Variants in CACNA2D4 observed in about 807,000 individuals in gnomAD.
CACNA2D4 encodes the protein calcium voltage-gated channel auxiliary subunit alpha2delta 4, also known as voltage-dependent calcium channel subunit alpha-2/delta-4.
A neutral mutation model predicts 163.8 loss-of-function variants in CACNA2D4; 157 were observed. The observed-to-expected ratio is 0.96, with a 90% CI of 0.84 to 1.09. The LOEUF (loss-of-function observed/expected upper bound fraction) is 1.09. Among genes scored for constraint, CACNA2D4 ranks in the 50% least tolerant of loss-of-function variants. CACNA2D4 has a pLI of 0.00. For synonymous variants in CACNA2D4, 598 were observed against 586.9 expected (o/e 1.02, Z -0.27); for missense variants, 1,410 against 1,479.9 (o/e 0.95, Z 0.78).
At position 1,820,246 on chromosome 12, in the gene CACNA2D4, C is replaced by CGGCGGGGCGGGGGGGGGGGG. The variant is rs1555176997; in HGVS notation, c.2552-8524_2552-8523insCCCCCCCCCCCCGCCCCGCC. The CGGCGGGGCGGGGGGGGGGGG allele has an allele frequency of 6.6e-6, 1 of 150,984 alleles. No homozygotes were observed. Among genetic ancestry groups the CGGCGGGGCGGGGGGGGGGGG allele is most frequent in the African/African-American group, 2.5e-5 (1 of 40,346 alleles). The allele number at this position is 150,984 out of a possible 1,614,324, so 9.4% of individuals were successfully genotyped here. ...GAGAGGCACAGAAGACAGGTGCAGC[C>CGGCGGGGCGGGGGGGGGGGG]GGGGGGGTGAGGGAGAGCCTGGAGG... On this transcript the variant is annotated intron_variant, in intron 26 of 37. Coordinates refer to ENST00000382722, the MANE Select transcript of CACNA2D4 (RefSeq NM_172364.5). The surrounding 1 kb of genome is among the most constrained non-coding windows in gnomAD (Gnocchi z 6.0).
At chr12:1,850,199 G>C (rs1026518308) in intron 23 of CACNA2D4, among the ~76,000 whole-genome samples, 12 of 152,292 alleles carry the variant, frequency 7.9e-5, no homozygotes, top group East Asian at 3.9e-4. Context: ...CACAATCTAC[G>C]AGTGCCTGAC....
chr12:1,831,161 C>T, intron 26 of CACNA2D4: 1 of 1,614,052 alleles, frequency 6.2e-7, no homozygotes, highest in Non-Finnish European at 8.5e-7. Context: ...AGCGGTTGGA[C>T]CTGTCCAACA....
chr12:1,864,280 TA>T (rs1219203326), intron 18 of CACNA2D4, among the ~76,000 whole-genome samples: 2 of 152,256 alleles, frequency 1.3e-5, no homozygotes, highest in Non-Finnish European at 2.9e-5. Context: ...CCGGACATTT[TA>T]AAGTCGAATG....
At chr12:1,887,329 G>A (rs1866172620) in intron 6 of CACNA2D4, among the ~76,000 whole-genome samples, 1 of 152,248 alleles carries the variant, frequency 6.6e-6, no homozygotes, top group Non-Finnish European at 1.5e-5. Flanking sequence ...GGACTCATTT[G>A]TGAGGCAAAA....
intron 18 of CACNA2D4, among the ~76,000 whole-genome samples, chr12:1,863,299 G>T (rs187983941): frequency 6.6e-6 from 1 of 152,090 alleles, no homozygotes; most frequent in Admixed American, 6.5e-5. Flanking sequence ...TCTATTCTTT[G>T]GTCAATACCA....
At chr12:1,825,984 A>G (rs1236323044) in intron 26 of CACNA2D4, among the ~76,000 whole-genome samples, 1 of 152,212 alleles carries the variant, frequency 6.6e-6, no homozygotes, top group Non-Finnish European at 1.5e-5. Context: ...GAGAGCGTGC[A>G]CGCTGCTGTT....
At chr12:1,880,506 G>A (rs1038511443) in intron 13 of CACNA2D4, among the ~76,000 whole-genome samples, 1 of 152,274 alleles carries the variant, frequency 6.6e-6, no homozygotes, top group Non-Finnish European at 1.5e-5. Flanking sequence ...TGACTGGCTG[G>A]GCTCGCCGTG....
At chr12:1,909,843 C>T in intron 4 of CACNA2D4, 63 bp downstream of exon 4, 1 of 1,453,504 alleles carries the variant, frequency 6.9e-7, no homozygotes, top group Non-Finnish European at 9.6e-7. Context: ...TATGCCGCCA[C>T]CCCCATATCT....
intron 37 of CACNA2D4, among the ~76,000 whole-genome samples, chr12:1,794,455 C>T (rs1299764007): frequency 6.6e-6 from 1 of 152,188 alleles, no homozygotes; most frequent in Non-Finnish European, 1.5e-5. Flanking sequence ...TTAGAGCTCG[C>T]AAGTTACAGG....
chr12:1,863,209 G>C (rs987412345), intron 18 of CACNA2D4, among the ~76,000 whole-genome samples: 1 of 152,174 alleles, frequency 6.6e-6, no homozygotes, highest in Non-Finnish European at 1.5e-5. Context: ...GACACTCCAA[G>C]GTGTCTTGAT....
intron 35 of CACNA2D4, 44 bp downstream of exon 35, chr12:1,797,374 G>T (rs771701446): frequency 7.2e-7 from 1 of 1,381,208 alleles, no homozygotes; most frequent in Non-Finnish European, 9.9e-7. Flanking sequence ...TGCCGAGGGC[G>T]GGAGGAGTGT....
chr12:1,907,754 G>A, intron 5 of CACNA2D4, 121 bp downstream of exon 5: 1 of 1,312,226 alleles, frequency 7.6e-7, no homozygotes, highest in Non-Finnish European at 1.1e-6. Context: ...CGTGTCTGGT[G>A]GGTGTGTCTG....
At position 1,884,929 on chromosome 12, in the gene CACNA2D4, C is replaced by G. The variant is rs373136107; in HGVS notation, c.1159-48G>C. ...CATGACCACAGGCCAAGCCCACCCC[C>G]CTCCACCTGCCGCCTTCCTCCCAGT... On this transcript the variant is annotated intron_variant, in intron 10 of 37. Transcript: ENST00000382722. The G allele has an allele frequency of 1.1e-5, 17 of 1,600,688 alleles. No individual in the cohort carries two copies. In the African/African-American group the frequency reaches 1.7e-4, roughly 16 times the overall value.
rs2154446998 is a variant in CACNA2D4, at chr12:1,829,441, A to T, written c.2551+11298T>A. Among the ~76,000 whole-genome samples, 1 of 152,130 alleles carries T rather than the reference A, an allele frequency of 6.6e-6. No homozygotes were observed. Among genetic ancestry groups the T allele is most frequent in the African/African-American group, 2.4e-5 (1 of 41,524 alleles). ...GAGGTAACCCAAGATGGCCAGAAAA[A>T]GGGTCTCCGGTGGCTTCCATGGCTG... On this transcript the variant is annotated intron_variant, in intron 26 of 37. Transcript: ENST00000382722. This position sits in a 1 kb window ranked among gnomAD's most constrained non-coding sequence, Gnocchi z 4.2.
intron 20 of CACNA2D4, among the ~76,000 whole-genome samples, chr12:1,857,800 T>A (rs1246917582): frequency 6.6e-6 from 1 of 152,212 alleles, no homozygotes; most frequent in African/African-American, 2.4e-5. Flanking sequence ...AAAGATATGT[T>A]GAAGTCCTGA....
chr12:1,834,754 C>T lies in CACNA2D4; in HGVS notation c.2551+5985G>A, dbSNP rs151191165. 66 of 1,553,606 alleles carry T rather than the reference C, an allele frequency of 4.2e-5. No individual in the cohort carries two copies. The African/African-American group carries it at 5.9e-4, about 14-fold the overall frequency. On this transcript the variant is annotated intron_variant, in intron 26 of 37. Coordinates refer to ENST00000382722, the MANE Select transcript of CACNA2D4 (RefSeq NM_172364.5). This position sits in a 1 kb window ranked among gnomAD's most constrained non-coding sequence, Gnocchi z 7.6. ...TCCCCACCCGGCCAGGTAGGAAGGG[C>T]GGGGAGAGCACACGGCATTGCTCAG... is the stretch of plus-strand genomic sequence containing the variant.
chr12:1,902,802 C>T (rs560298314), intron 6 of CACNA2D4, among the ~76,000 whole-genome samples: 11 of 152,166 alleles, frequency 7.2e-5, no homozygotes, highest in African/African-American at 2.4e-4. Context: ...AAGCAATCTA[C>T]ACATTGAATG....
chr12:1,918,609 G>T lies in CACNA2D4; in HGVS notation c.-136C>A. On this transcript the variant is annotated 5_prime_UTR_variant, in exon 1 of 38. The change creates a new upstream start codon in the 5' untranslated region. Transcript: ENST00000382722. ...CTCTGCCCCACAGCTGCAGCTCACA[G>T]AAGAGTCGCCCCACCTAGCAAGCAG... 3.0e-6 allele frequency: 2 copies of T among 656,152 alleles called. No individual in the cohort carries two copies. Among genetic ancestry groups the T allele is most frequent in the Non-Finnish European group, 2.6e-6 (1 of 383,704 alleles). 40.6% of individuals were successfully genotyped at this position (656,152 alleles called of 1,614,324 possible).
intron 26 of CACNA2D4, among the ~76,000 whole-genome samples, chr12:1,826,970 C>T (rs568236494): frequency 1.3e-5 from 2 of 152,324 alleles, no homozygotes; most frequent in East Asian, 3.9e-4. Context: ...ATTCCATAGG[C>T]CCATGGGGGC....
Sources: gnomAD v4.1 joint callset for allele counts (sites outside exome capture counted in the v4.1 genomes callset) on GRCh38, gnomAD v4.1.1 for gene constraint, Gnocchi (gnomAD v3.1) non-coding constraint, MANE v1.5 for transcripts, NCBI Gene and HGNC (gene_info 2026-07-23, HGNC 2026-07-21) for gene names.